The following CWH43 variants were observed in gnomAD, a reference collection of about 807,000 sequenced individuals.
CWH43 encodes cell wall biogenesis 43 C-terminal homolog.
CWH43 carries 91 observed loss-of-function variants against 85.7 expected under a neutral mutation model. The observed-to-expected ratio is 1.06, with a 90% CI of 0.90 to 1.26. CWH43 has a LOEUF of 1.26. Among genes scored for constraint, CWH43 ranks in the 50% most tolerant of loss-of-function variants. CWH43 has a pLI of 0.00. For synonymous variants in CWH43, 323 were observed against 293.6 expected (o/e 1.10, Z -1.02); for missense variants, 869 against 839.2 (o/e 1.04, Z -0.44).
chr4:48,987,669 A>C (rs746990439), intron 1 of CWH43, among the ~76,000 whole-genome samples: 13 of 152,102 alleles, frequency 8.5e-5, no homozygotes, highest in Admixed American at 8.5e-4. Flanking sequence ...CTTAGCACAG[A>C]CCCTAGTGCA....
In CWH43 at chr4:49,003,888, C is replaced by T. The variant is rs757955464; in HGVS notation, c.956C>T (p.Ala319Val). The change falls in exon 7 of 16, where the codon GCC becomes GTC. Residue 319 changes from alanine (A) to valine (V), a missense_variant. Physicochemically the swap from Ala to Val is moderately conservative, Grantham distance 64. Around this residue, in one of 3 missense-constraint regions of CWH43, gnomAD observed 577 missense variants for 513.1 expected, o/e 1.12. Coordinates refer to ENST00000226432, the MANE Select transcript of CWH43 (RefSeq NM_025087.3). Reference protein sequence around the residue: ...GTNPGKTMTIAMIFYLLEIFF... With the variant: ...GTNPGKTMTIVMIFYLLEIFF... Reference sequence around the variant, plus strand: ...AACCCTGGGAAAACCATGACCATTGCCATGATATTTTATCTTCTAGAAATA... The same window carrying T: ...AACCCTGGGAAAACCATGACCATTGTCATGATATTTTATCTTCTAGAAATA... 2 of 1,613,950 alleles carry T rather than the reference C, an allele frequency of 1.2e-6. No homozygotes were observed. The highest frequency in any genetic ancestry group is 2.2e-5 in the East Asian group (1 of 44,882).
chr4:48,996,359 A>G (rs1262898389), intron 5 of CWH43, among the ~76,000 whole-genome samples: 1 of 152,052 alleles, frequency 6.6e-6, no homozygotes, highest in Non-Finnish European at 1.5e-5. Flanking sequence ...TAGAAACTTT[A>G]TATTCTGTAT....
intron 9 of CWH43, among the ~76,000 whole-genome samples, chr4:49,022,946 A>C (rs1392053031): frequency 6.6e-6 from 1 of 152,056 alleles, no homozygotes; most frequent in Non-Finnish European, 1.5e-5. Context: ...TATCTCACTA[A>C]TAGTCTATCA....
chr4:49,046,430 CTG>C (rs1323874839), intron 14 of CWH43, among the ~76,000 whole-genome samples: 1 of 151,910 alleles, frequency 6.6e-6, no homozygotes, highest in Non-Finnish European at 1.5e-5. Context: ...AAATCCTTGA[CTG>C]TGGTAGAACT....
chr4:49,009,530 G>A (rs2109770941), intron 8 of CWH43, among the ~76,000 whole-genome samples: 1 of 152,268 alleles, frequency 6.6e-6, no homozygotes, highest in South Asian at 2.1e-4. Flanking sequence ...GGAGTGGTGA[G>A]AGAGGGCATA....
chr4:48,995,740 T>C (rs1366246364), intron 5 of CWH43, among the ~76,000 whole-genome samples: 1 of 152,178 alleles, frequency 6.6e-6, no homozygotes, highest in Non-Finnish European at 1.5e-5. Flanking sequence ...ATCTTCCTCA[T>C]TTTCTCCAAC....
At chr4:49,005,888 A>G (rs1783141790) in intron 7 of CWH43, among the ~76,000 whole-genome samples, 1 of 152,134 alleles carries the variant, frequency 6.6e-6, no homozygotes, top group Non-Finnish European at 1.5e-5. Context: ...ATTTTGCCAT[A>G]TGCTTTTCTA....
chr4:49,052,207 T>C (rs1266841969), intron 15 of CWH43, among the ~76,000 whole-genome samples: 1 of 152,158 alleles, frequency 6.6e-6, no homozygotes, highest in African/African-American at 2.4e-5. Flanking sequence ...CCTGTATTGA[T>C]CTTGCCCTGT....
chr4:49,029,792 A>G (rs994056044), intron 10 of CWH43, among the ~76,000 whole-genome samples: 2 of 152,236 alleles, frequency 1.3e-5, no homozygotes, highest in African/African-American at 2.4e-5. Context: ...ATCCGGGCAC[A>G]GTAACTTCCC....
At chr4:49,058,774 A>G (rs1283926719) in intron 15 of CWH43, among the ~76,000 whole-genome samples, 1 of 152,186 alleles carries the variant, frequency 6.6e-6, no homozygotes, top group Non-Finnish European at 1.5e-5. Flanking sequence ...AGCACTTTGA[A>G]TACATCATCT....
chr4:49,043,075 G>A (rs1784516042), intron 13 of CWH43, among the ~76,000 whole-genome samples: 1 of 152,126 alleles, frequency 6.6e-6, no homozygotes, highest in Non-Finnish European at 1.5e-5. Context: ...CCTAGATGAT[G>A]CTGCATTTAC....
intron 12 of CWH43, among the ~76,000 whole-genome samples, chr4:49,033,342 C>A (rs1784161422): frequency 6.6e-6 from 1 of 152,112 alleles, no homozygotes; most frequent in South Asian, 2.1e-4. Context: ...CCTATTTGGA[C>A]AACCTGGCTT....
At chr4:48,997,274 C>G (rs1782844874) in intron 5 of CWH43, among the ~76,000 whole-genome samples, 1 of 149,802 alleles carries the variant, frequency 6.7e-6, no homozygotes, top group Non-Finnish European at 1.5e-5. Context: ...TTCCAGGCTG[C>G]TCTCAAACTC....
chr4:49,003,221 G>T (rs1035086259), intron 6 of CWH43, among the ~76,000 whole-genome samples: 1 of 152,122 alleles, frequency 6.6e-6, no homozygotes, highest in Non-Finnish European at 1.5e-5. Context: ...GCCTACAAAT[G>T]CTATGTCTTC....
At chr4:49,028,195 T>C (rs760613775) in intron 9 of CWH43, among the ~76,000 whole-genome samples, 7 of 152,230 alleles carry the variant, frequency 4.6e-5, no homozygotes, top group Non-Finnish European at 8.8e-5. Context: ...GTATCTATTT[T>C]GCAACATACT....
chr4:49,004,665 C>G (rs115294976), intron 7 of CWH43, among the ~76,000 whole-genome samples: 5,011 of 152,248 alleles, frequency 0.033, 280 homozygotes, highest in African/African-American at 0.11. Context: ...GCTAGGATTA[C>G]AGGTGTGAGC....
intron 8 of CWH43, among the ~76,000 whole-genome samples, chr4:49,007,697 T>C (rs540812247): frequency 2.0e-5 from 3 of 151,666 alleles, no homozygotes; most frequent in Admixed American, 1.3e-4. Context: ...CATTGTTTAA[T>C]TCCCACCTAT....
At chr4:49,026,368 G>A (rs1158105231) in intron 9 of CWH43, among the ~76,000 whole-genome samples, 1 of 152,236 alleles carries the variant, frequency 6.6e-6, no homozygotes, top group Non-Finnish European at 1.5e-5. Context: ...AGGGTCTGTG[G>A]ATTCCCTTGG....
chr4:49,013,629 TA>T (rs1271154030), intron 8 of CWH43, among the ~76,000 whole-genome samples: 14 of 90,630 alleles, frequency 1.5e-4, no homozygotes, highest in Admixed American at 1.3e-3. Flanking sequence ...TCTATTTCTC[TA>T]CTTTTTTTTT....
Sources: allele counts gnomAD v4.1 joint callset (sites outside exome capture counted in the v4.1 genomes callset), GRCh38; gene constraint gnomAD v4.1.1; regional missense constraint gnomAD v4.1.1; transcripts MANE v1.5; gene names NCBI Gene and HGNC (gene_info 2026-07-23, HGNC 2026-07-21).